Variants in YIPF7 observed in about 807,000 individuals in gnomAD.
YIPF7 encodes protein YIPF7.
YIPF7 carries 35 observed loss-of-function variants against 27.2 expected under a neutral mutation model. The observed-to-expected ratio is 1.29, with a 90% CI of 0.98 to 1.70. The LOEUF is 1.70. YIPF7 is among the 40% of genes most tolerant of loss of function. The pLI is 0.00. For synonymous variants in YIPF7, 137 were observed against 110.4 expected (o/e 1.24, Z -1.51); for missense variants, 358 against 303.7 (o/e 1.18, Z -1.33).
intron 3 of YIPF7, among the ~76,000 whole-genome samples, chr4:44,633,721 A>G (rs913123175): frequency 2.7e-5 from 1 of 37,104 alleles, no homozygotes; most frequent in African/African-American, 5.4e-5. Flanking sequence ...ACAAGCTAGG[A>G]AAAAAAAAGT....
chr4:44,643,994 A>G (rs1297841677), intron 2 of YIPF7, among the ~76,000 whole-genome samples: 2 of 152,138 alleles, frequency 1.3e-5, no homozygotes, highest in Non-Finnish European at 2.9e-5. Flanking sequence ...CAGAGTCTCC[A>G]CACAGAGTCC....
upstream of YIPF7, among the ~76,000 whole-genome samples, chr4:44,653,038 A>C (rs986991693): frequency 6.6e-5 from 10 of 152,196 alleles, no homozygotes; most frequent in Non-Finnish European, 1.2e-4. Context: ...AAGGCTTCTT[A>C]AGAGGGTCAT....
Position 44,629,521 on chromosome 4 carries a change from C to A in YIPF7, c.308G>T (p.Trp103Leu). 4 of 1,548,766 alleles carry A rather than the reference C, an allele frequency of 2.6e-6. No homozygotes were observed. The highest frequency in any genetic ancestry group is 2.4e-5 in the East Asian group (1 of 41,856). ...GTTTAACACTGTCAAAGTTTTTTGC[C>A]ATATGTGATCAAAATGGATTCCAAG... ...EELGIHFDHI[W>L]QKTLTVLNPM... Residue 103 changes from tryptophan to leucine, a missense_variant, in exon 4 of 6, where the codon TGG becomes TTG. Trp to Leu is a moderately conservative substitution (Grantham distance 61). Coordinates refer to ENST00000415895, the MANE Select transcript of YIPF7 (RefSeq NM_182592.3).
chr4:44,647,559 T>C lies in YIPF7; in HGVS notation c.116+2426A>G, dbSNP rs186434761. Among the ~76,000 whole-genome samples the C allele has an allele frequency of 4.3e-4, 66 of 152,310 alleles. 1 individual carries two copies. The highest frequency in any genetic ancestry group is 4.1e-3 in the Admixed American group (63 of 15,300). On this transcript the variant is annotated intron_variant, in intron 2 of 5. Transcript: ENST00000415895. Reference sequence around the variant, plus strand: ...CCTTTGTATACCTTAGTGCTCAAACTACTCCCTGTGCCTCAAACATTTTCC... The same window carrying C: ...CCTTTGTATACCTTAGTGCTCAAACCACTCCCTGTGCCTCAAACATTTTCC...
At chr4:44,636,125 A>G (rs1467541330) in intron 2 of YIPF7, 40 bp from the exon 3 acceptor site, 1 of 1,555,390 alleles carries the variant, frequency 6.4e-7, no homozygotes, top group Non-Finnish European at 8.7e-7. Flanking sequence ...TGTCTAAGAA[A>G]AAGGTATCAT....
intron 2 of YIPF7, among the ~76,000 whole-genome samples, chr4:44,647,706 A>C (rs975937207): frequency 1.3e-5 from 2 of 152,174 alleles, no homozygotes; most frequent in Admixed American, 6.5e-5. Context: ...GCCTAAAAAA[A>C]ATTATATCTC....
chr4:44,646,035 C>T (rs1299611113), intron 2 of YIPF7, among the ~76,000 whole-genome samples: 1 of 152,054 alleles, frequency 6.6e-6, no homozygotes, highest in Non-Finnish European at 1.5e-5. Context: ...ATACTGGATA[C>T]AATTAGATAT....
chr4:44,629,391 G>C lies in YIPF7; in HGVS notation c.426+12C>G. ...CAAGCATTAAAATCTGGTGCTTCCT[G>C]TGACACATTACCAGAAGCAAGGTGG... On this transcript the variant is annotated intron_variant, in intron 4 of 5. Coordinates refer to ENST00000415895, the MANE Select transcript of YIPF7 (RefSeq NM_182592.3). 1 of 1,581,592 alleles carries C rather than the reference G, an allele frequency of 6.3e-7. No homozygotes were observed. Among genetic ancestry groups the C allele is most frequent in the Non-Finnish European group, 8.6e-7 (1 of 1,165,282 alleles).
At chr4:44,627,625 G>A (rs6822175) in intron 4 of YIPF7, among the ~76,000 whole-genome samples, 60,584 of 151,926 alleles carry the variant, frequency 0.4, 12,358 homozygotes, top group East Asian at 0.55. Flanking sequence ...AATCAATTTG[G>A]AAGTTATCAC....
intron 2 of YIPF7, among the ~76,000 whole-genome samples, chr4:44,639,131 C>T (rs1009610963): frequency 2.0e-5 from 3 of 152,116 alleles, no homozygotes; most frequent in African/African-American, 4.8e-5. Context: ...TGAGATGCCT[C>T]CAGGTTTGTT....
At chr4:44,656,203 TTATTA>T (rs1713896664), upstream of YIPF7, among the ~76,000 whole-genome samples, 1 of 152,040 alleles carries the variant, frequency 6.6e-6, no homozygotes, top group South Asian at 2.1e-4. Flanking sequence ...AGTAACCATA[TTATTA>T]TAATAGTCAT....
At chr4:44,660,499 T>A (rs993675398) in exon 2 of YIPF7, 3 of 152,270 alleles carry the variant, frequency 2.0e-5, no homozygotes, top group Admixed American at 2.0e-4. Flanking sequence ...ATGGAGAGAC[T>A]GTGACTACAA....
At chr4:44,645,843 C>T (rs139216153) in intron 2 of YIPF7, among the ~76,000 whole-genome samples, 122 of 151,708 alleles carry the variant, frequency 8.0e-4, no homozygotes, top group Non-Finnish European at 1.4e-3. Flanking sequence ...CTCATAAATA[C>T]ATATACATTC....
chr4:44,642,396 A>G (rs1310130970), intron 2 of YIPF7, among the ~76,000 whole-genome samples: 1 of 152,212 alleles, frequency 6.6e-6, no homozygotes, highest in African/African-American at 2.4e-5. Flanking sequence ...CTCACCTTTG[A>G]TAACTATCTA....
At chr4:44,639,316 A>G (rs2109589360) in intron 2 of YIPF7, among the ~76,000 whole-genome samples, 1 of 152,246 alleles carries the variant, frequency 6.6e-6, no homozygotes, top group Non-Finnish European at 1.5e-5. Context: ...AATTCTTTCA[A>G]TCCATGAGCA....
intron 5 of YIPF7, among the ~76,000 whole-genome samples, chr4:44,623,308 T>C (rs1006661141): frequency 6.6e-6 from 1 of 152,210 alleles, no homozygotes; most frequent in Non-Finnish European, 1.5e-5. Flanking sequence ...ATAGAATGCA[T>C]TATTTAGAAA....
chr4:44,628,778 T>G (rs2109579061), intron 4 of YIPF7, among the ~76,000 whole-genome samples: 1 of 152,296 alleles, frequency 6.6e-6, no homozygotes, highest in Non-Finnish European at 1.5e-5. Flanking sequence ...ATATCATTAC[T>G]TCCAGATATA....
At chr4:44,651,836 T>G (rs550975919), upstream of YIPF7, among the ~76,000 whole-genome samples, 1 of 152,184 alleles carries the variant, frequency 6.6e-6, no homozygotes, top group African/African-American at 2.4e-5. Context: ...TACAATTCCC[T>G]TTTGTACATA....
chr4:44,632,982 C>T (rs773482460), intron 3 of YIPF7, among the ~76,000 whole-genome samples: 4 of 152,114 alleles, frequency 2.6e-5, no homozygotes, highest in Non-Finnish European at 1.5e-5. Flanking sequence ...GGGCAGTGGG[C>T]GAACAAGTAT....
Sources: allele counts gnomAD v4.1 joint callset (sites outside exome capture counted in the v4.1 genomes callset), GRCh38; gene constraint gnomAD v4.1.1; transcripts MANE v1.5; gene names NCBI Gene and HGNC (gene_info 2026-07-23, HGNC 2026-07-21).